NCAM1: variants seen among roughly 807,000 people sequenced by gnomAD.
The protein encoded by NCAM1 is neural cell adhesion molecule 1, also known as antigen recognized by monoclonal antibody 5.1H11.
NCAM1 carries 14 observed loss-of-function variants against 109.8 expected under a neutral mutation model. The ratio of observed to expected loss-of-function variants is 0.13; its 90% CI spans 0.08 to 0.20. The LOEUF (loss-of-function observed/expected upper bound fraction) is 0.20. NCAM1 is among the 10% of genes least tolerant of loss of function. NCAM1 has a pLI of 1.00. For missense variants in NCAM1, 774 were observed against 1,109.9 expected (o/e 0.70, Z 4.30); for synonymous variants, 418 against 442.9 (o/e 0.94, Z 0.70).
chr11:112,964,189 G>T, intron 1 of NCAM1, among the ~76,000 whole-genome samples: 1 of 128,792 alleles, frequency 7.8e-6, no homozygotes. Context: ...GCATGTCCAG[G>T]GCAGTGGTAA....
At chr11:113,056,595 T>G (rs886725539) in intron 1 of NCAM1, among the ~76,000 whole-genome samples, 1 of 152,126 alleles carries the variant, frequency 6.6e-6, no homozygotes, top group African/African-American at 2.4e-5. Context: ...AAAGCCCATG[T>G]GGTAAGGAAC....
chr11:113,112,453 A>T (rs1940487349), intron 1 of NCAM1, among the ~76,000 whole-genome samples: 1 of 152,242 alleles, frequency 6.6e-6, no homozygotes, highest in African/African-American at 2.4e-5. Flanking sequence ...CATCAGCTAG[A>T]TGACTTCCCA....
At chr11:113,171,311 A>G (rs1555106193) in intron 1 of NCAM1, among the ~76,000 whole-genome samples, 1 of 152,068 alleles carries the variant, frequency 6.6e-6, no homozygotes, top group African/African-American at 2.4e-5. Flanking sequence ...TAGTTTGGGG[A>G]GGCATGTGGC....
intron 17 of NCAM1, 111 bp from the exon 18 acceptor site, chr11:113,270,077 G>A: frequency 9.9e-7 from 1 of 1,005,706 alleles, no homozygotes; most frequent in Non-Finnish European, 1.5e-6. Context: ...GGGCATGAAT[G>A]CCATGACTCT....
At chr11:112,965,977 C>A (rs1565352978) in intron 1 of NCAM1, among the ~76,000 whole-genome samples, 1 of 152,188 alleles carries the variant, frequency 6.6e-6, no homozygotes, top group Non-Finnish European at 1.5e-5. Flanking sequence ...TAGGAGGAGA[C>A]AAAGACATCT....
intron 1 of NCAM1, among the ~76,000 whole-genome samples, chr11:113,197,619 A>G (rs17511636): frequency 0.013 from 1,983 of 152,282 alleles, 26 homozygotes; most frequent in Non-Finnish European, 0.019. Context: ...TTGGGCCCTG[A>G]ACATCTGTAA....
At chr11:113,072,612 C>T (rs1938329976) in intron 1 of NCAM1, among the ~76,000 whole-genome samples, 1 of 152,168 alleles carries the variant, frequency 6.6e-6, no homozygotes, top group Non-Finnish European at 1.5e-5. Flanking sequence ...GGACCAACCT[C>T]ATCTGGTGCA....
At chr11:113,250,326 T>C (rs1285798708) in intron 15 of NCAM1, among the ~76,000 whole-genome samples, 1 of 152,166 alleles carries the variant, frequency 6.6e-6, no homozygotes. Flanking sequence ...TCCGATTCTT[T>C]TGTTTGTCGT....
At chr11:113,223,330 T>G (rs1005953065) in intron 9 of NCAM1, among the ~76,000 whole-genome samples, 11 of 152,178 alleles carry the variant, frequency 7.2e-5, no homozygotes, top group African/African-American at 2.7e-4. Flanking sequence ...GATAATTCCA[T>G]CATCAAATCT....
rs183374234 is a variant in NCAM1 at position 113,055,878 on chromosome 11, G to A, written c.52+94214G>A. On this transcript the variant is annotated intron_variant, in intron 1 of 19. Coordinates refer to ENST00000316851, the MANE Select transcript of NCAM1 (RefSeq NM_181351.5). ...AGAAAGGACATCAGTATATGAAAGA[G>A]GTACTTGCACTTCTATGTTTAATAT... Among the ~76,000 whole-genome samples the A allele has an allele frequency of 5.8e-4, 88 of 150,690 alleles. 1 individual carries two copies. The highest frequency in any genetic ancestry group is 2.1e-3 in the African/African-American group (85 of 40,996).
At chr11:113,182,218 T>C (rs1034441353) in intron 1 of NCAM1, among the ~76,000 whole-genome samples, 2 of 152,198 alleles carry the variant, frequency 1.3e-5, no homozygotes, top group Non-Finnish European at 1.5e-5. Flanking sequence ...AAGAATAGTC[T>C]GTCTCGTTCT....
intron 1 of NCAM1, among the ~76,000 whole-genome samples, chr11:113,170,831 G>C (rs1306360648): frequency 6.6e-6 from 1 of 152,154 alleles, no homozygotes; most frequent in Non-Finnish European, 1.5e-5. Context: ...AATCATTAAG[G>C]TTGTCTTCCA....
intron 1 of NCAM1, among the ~76,000 whole-genome samples, chr11:113,056,101 G>A (rs1953704425): frequency 1.4e-5 from 2 of 145,858 alleles, no homozygotes; most frequent in Admixed American, 1.4e-4. Flanking sequence ...CCTGTCATTT[G>A]CAGCAACATG....
chr11:113,273,441 G>C lies in NCAM1; in HGVS notation c.2456+1565G>C. 1 of 332,446 alleles carries C rather than the reference G, an allele frequency of 3.0e-6. No individual in the cohort carries two copies. Among genetic ancestry groups the C allele is most frequent in the South Asian group, 2.3e-5 (1 of 43,570 alleles). The allele number at this position is 332,446 out of a possible 1,614,324, so 20.6% of individuals were successfully genotyped here. A position where few individuals can be genotyped will look rare whatever the true frequency, so the allele number is the denominator to read the frequency against. ...AGAAGCCCCTCAGGCCAAGCAGGAG[G>C]CTCCCAGCACCAAAGGCCCGGACCC... On this transcript the variant is annotated intron_variant, in intron 19 of 19. Transcript: ENST00000316851. This position sits in a 1 kb window ranked among gnomAD's most constrained non-coding sequence, Gnocchi z 6.0.
intron 1 of NCAM1, among the ~76,000 whole-genome samples, chr11:113,020,206 A>G (rs1290828254): frequency 1.3e-5 from 2 of 152,158 alleles, no homozygotes; most frequent in East Asian, 1.9e-4. Flanking sequence ...TGCCTTTATG[A>G]AATCTTATAT....
At chr11:113,163,768 G>A (rs1335360112) in intron 1 of NCAM1, among the ~76,000 whole-genome samples, 1 of 152,162 alleles carries the variant, frequency 6.6e-6, no homozygotes, top group Non-Finnish European at 1.5e-5. Flanking sequence ...AAGTGTCAGG[G>A]TTCAACTGCC....
chr11:113,254,021 T>C (rs1945770463), intron 15 of NCAM1, among the ~76,000 whole-genome samples: 1 of 151,416 alleles, frequency 6.6e-6, no homozygotes, highest in South Asian at 2.1e-4. Flanking sequence ...TTCTATTTGT[T>C]CAGCATTTCT....
chr11:113,260,479 C>A, intron 17 of NCAM1, 156 bp downstream of exon 17: 1 of 784,392 alleles, frequency 1.3e-6, no homozygotes, highest in Non-Finnish European at 2.0e-6. Context: ...TTGTACCTAT[C>A]TGTGCAGTGG....
rs114102821 is a variant in NCAM1, at chr11:113,201,964, C to G, written c.53-415C>G. Among the ~76,000 whole-genome samples, 323 of 152,322 alleles carry G rather than the reference C, an allele frequency of 2.1e-3. 1 individual carries two copies. The highest frequency in any genetic ancestry group is 0.01 in the Middle Eastern group (3 of 294). On this transcript the variant is annotated intron_variant, in intron 1 of 19. Transcript: ENST00000316851. ...ACTGCACTTGACACAGCTGTGGAGACACTTCAGATGACATCCAGAAGGAAC... is the reference window on the plus strand; with the variant it reads ...ACTGCACTTGACACAGCTGTGGAGAGACTTCAGATGACATCCAGAAGGAAC...
Sources: allele counts gnomAD v4.1 joint callset (sites outside exome capture counted in the v4.1 genomes callset), GRCh38; gene constraint gnomAD v4.1.1; non-coding constraint Gnocchi (gnomAD v3.1); transcripts MANE v1.5; gene names NCBI Gene and HGNC (gene_info 2026-07-23, HGNC 2026-07-21).